Variants in OR2L13 observed in about 807,000 individuals in gnomAD.
OR2L13 encodes olfactory receptor 2L13.
Under a neutral mutation model 15.3 loss-of-function variants are expected in OR2L13, and 14 were observed. That is an observed-to-expected ratio of 0.91 (90% CI 0.60 to 1.43). The LOEUF (loss-of-function observed/expected upper bound fraction) is 1.43, where lower values mean the gene tolerates loss of function less well. Among genes scored for constraint, OR2L13 ranks in the 40% most tolerant of loss-of-function variants. OR2L13 has a pLI of 0.00. For missense variants in OR2L13, 367 were observed against 387.9 expected (o/e 0.95, Z 0.45); for synonymous variants, 152 against 142.9 (o/e 1.06, Z -0.45).
At chr1:248,019,510 C>T in the OR2L13 span, among the ~76,000 whole-genome samples, 2 of 152,120 alleles carry the variant, frequency 1.3e-5, no homozygotes, top group African/African-American at 4.8e-5. Context: ...AGCTCTTACA[C>T]TTAGGTCTTT....
chr1:247,990,325 C>A, the OR2L13 span: 1 of 1,373,134 alleles, frequency 7.3e-7, no homozygotes, highest in East Asian at 2.3e-5. Flanking sequence ...TCGCCACCAC[C>A]AAAAATTGGC....
chr1:248,018,578 T>C, the OR2L13 span, among the ~76,000 whole-genome samples: 3 of 152,224 alleles, frequency 2.0e-5, no homozygotes, highest in Non-Finnish European at 4.4e-5. Context: ...GGAATTTTCT[T>C]AAAATGTATT....
chr1:247,972,786 A>G, the OR2L13 span, among the ~76,000 whole-genome samples: 1 of 152,228 alleles, frequency 6.6e-6, no homozygotes, highest in Non-Finnish European at 1.5e-5. Flanking sequence ...TGAGGCAAGC[A>G]TCATCCTGAT....
At chr1:248,035,622 A>G in the OR2L13 span, 1 of 152,152 alleles carries the variant, frequency 6.6e-6, no homozygotes, top group Non-Finnish European at 1.5e-5. Context: ...CCTGAACCCA[A>G]AGGTAAGGAC....
At chr1:248,043,474 G>T in the OR2L13 span, among the ~76,000 whole-genome samples, 1 of 152,176 alleles carries the variant, frequency 6.6e-6, no homozygotes, top group East Asian at 1.9e-4. Context: ...AAATATTCAT[G>T]GGAGAAGAAA....
chr1:248,053,308 T>A, the OR2L13 span, among the ~76,000 whole-genome samples: 1 of 152,220 alleles, frequency 6.6e-6, no homozygotes, highest in Non-Finnish European at 1.5e-5. Context: ...GGCTGTATAG[T>A]ATTCCATTGT....
the OR2L13 span, among the ~76,000 whole-genome samples, chr1:247,957,061 A>G: frequency 2.6e-5 from 4 of 152,146 alleles, no homozygotes; most frequent in South Asian, 2.1e-4. Flanking sequence ...TGCCCATTCA[A>G]TATGATATTG....
chr1:248,008,844 A>G, the OR2L13 span, among the ~76,000 whole-genome samples: 3 of 152,108 alleles, frequency 2.0e-5, no homozygotes, highest in African/African-American at 7.2e-5. Flanking sequence ...AGTCCCTCAG[A>G]CCACAGTGCA....
the OR2L13 span, among the ~76,000 whole-genome samples, chr1:248,018,983 A>G: frequency 6.6e-6 from 1 of 152,116 alleles, no homozygotes; most frequent in Non-Finnish European, 1.5e-5. Context: ...AATTTATTTC[A>G]TGATTAAAAT....
the OR2L13 span, among the ~76,000 whole-genome samples, chr1:248,034,675 A>G: frequency 1.3e-5 from 2 of 152,182 alleles, no homozygotes; most frequent in African/African-American, 2.4e-5. Context: ...ATTTTTCAAT[A>G]TATAAGCCTT....
the OR2L13 span, among the ~76,000 whole-genome samples, chr1:247,972,529 T>C: frequency 6.6e-6 from 1 of 152,134 alleles, no homozygotes; most frequent in East Asian, 1.9e-4. Flanking sequence ...AATGGATAAA[T>C]TCCTGGACAC....
chr1:248,082,073 C>G, the OR2L13 span, among the ~76,000 whole-genome samples: 2 of 150,356 alleles, frequency 1.3e-5, no homozygotes, highest in Non-Finnish European at 2.9e-5. Context: ...TTCACAATAG[C>G]AAAGACTTGA....
At chr1:248,061,478 C>T in the OR2L13 span, 1 of 1,614,004 alleles carries the variant, frequency 6.2e-7, no homozygotes, top group Non-Finnish European at 8.5e-7. Context: ...TCCCTGCGAT[C>T]TCCAACAGAG....
chr1:247,978,768 C>G, the OR2L13 span, among the ~76,000 whole-genome samples: 1 of 152,010 alleles, frequency 6.6e-6, no homozygotes, highest in East Asian at 1.9e-4. Context: ...CCCTCCTCCT[C>G]TGGGCTTCCT....
the OR2L13 span, among the ~76,000 whole-genome samples, chr1:247,966,819 C>A: frequency 6.6e-6 from 1 of 152,124 alleles, no homozygotes; most frequent in South Asian, 2.1e-4. Flanking sequence ...TAAGAAAATC[C>A]AGTGATTGAA....
the OR2L13 span, among the ~76,000 whole-genome samples, chr1:247,978,289 C>T: frequency 6.6e-6 from 1 of 152,094 alleles, no homozygotes; most frequent in Non-Finnish European, 1.5e-5. Flanking sequence ...GCTGCAACTC[C>T]CACTGTTTTG....
chr1:247,961,042 CTG>C, the OR2L13 span, among the ~76,000 whole-genome samples: 1 of 152,174 alleles, frequency 6.6e-6, no homozygotes, highest in Non-Finnish European at 1.5e-5. Flanking sequence ...ACGCTGGGAG[CTG>C]TAGACTAGAG....
the OR2L13 span, chr1:248,060,923 C>A: frequency 6.2e-7 from 1 of 1,613,932 alleles, no homozygotes; most frequent in Non-Finnish European, 8.5e-7. Context: ...CCTAAGATGG[C>A]ATCTGATTTT....
chr1:247,961,028 G>A, the OR2L13 span, among the ~76,000 whole-genome samples: 2 of 152,238 alleles, frequency 1.3e-5, no homozygotes, highest in Admixed American at 6.5e-5. Flanking sequence ...CTTCTGCGTC[G>A]CTCACGCTGG....
Sources: allele counts gnomAD v4.1 joint callset (sites outside exome capture counted in the v4.1 genomes callset), GRCh38; gene constraint gnomAD v4.1.1; transcripts MANE v1.5; gene names NCBI Gene and HGNC (gene_info 2026-07-23, HGNC 2026-07-21).